Variants in EPB41 observed in about 807,000 individuals in gnomAD.
EPB41 encodes erythrocyte membrane protein band 4.1.
In EPB41, 65 loss-of-function variants were observed where a neutral mutation model predicts 108.0. The ratio of observed to expected loss-of-function variants is 0.60; its 90% confidence interval spans 0.49 to 0.74. The LOEUF is 0.74. Among genes scored for constraint, EPB41 ranks in the 30% least tolerant of loss-of-function variants. The pLI is 0.00. For synonymous variants in EPB41, 336 were observed against 358.9 expected (o/e 0.94, Z 0.72); for missense variants, 875 against 1,037.0 (o/e 0.84, Z 2.15).
chr1:28,991,382 A>G (rs949155020), intron 2 of EPB41, among the ~76,000 whole-genome samples: 3 of 151,912 alleles, frequency 2.0e-5, no homozygotes, highest in Non-Finnish European at 2.9e-5. Context: ...GTAAATAAAA[A>G]CTGCAATATG....
intron 8 of EPB41, among the ~76,000 whole-genome samples, chr1:29,031,041 C>T (rs1463263441): frequency 6.6e-6 from 1 of 152,048 alleles, no homozygotes; most frequent in Admixed American, 6.6e-5. Context: ...GATCTCCTGA[C>T]CTCGTGATCC....
At chr1:28,917,560 T>C (rs2092774344) in intron 1 of EPB41, among the ~76,000 whole-genome samples, 1 of 152,104 alleles carries the variant, frequency 6.6e-6, no homozygotes, top group Non-Finnish European at 1.5e-5. Context: ...ATTACAGGCA[T>C]GAGCCACCGT....
At chr1:29,088,308 A>G (rs1319760653) in intron 16 of EPB41, among the ~76,000 whole-genome samples, 1 of 152,054 alleles carries the variant, frequency 6.6e-6, no homozygotes, top group Non-Finnish European at 1.5e-5. Context: ...CGGCCTCCCA[A>G]AGTGCTAGGA....
At chr1:28,944,289 A>T (rs1337845359) in intron 1 of EPB41, among the ~76,000 whole-genome samples, 1 of 152,194 alleles carries the variant, frequency 6.6e-6, no homozygotes, top group Non-Finnish European at 1.5e-5. Flanking sequence ...AAGAATGAAT[A>T]AGACCTACTA....
chr1:29,108,453 C>T (rs571074558), intron 17 of EPB41, among the ~76,000 whole-genome samples: 2 of 151,778 alleles, frequency 1.3e-5, no homozygotes, highest in Non-Finnish European at 2.9e-5. Flanking sequence ...CGGCCCCTGC[C>T]TCCTATTTCT....
intron 1 of EPB41, among the ~76,000 whole-genome samples, chr1:28,985,021 A>G (rs1218418709): frequency 6.6e-6 from 1 of 151,238 alleles, no homozygotes; most frequent in Admixed American, 6.6e-5. Flanking sequence ...CTGGAGTACA[A>G]TGGCATGATC....
At chr1:28,963,688 A>G in intron 1 of EPB41, among the ~76,000 whole-genome samples, 1 of 152,184 alleles carries the variant, frequency 6.6e-6, no homozygotes, top group East Asian at 1.9e-4. Context: ...AAAAAGAACC[A>G]CTTGATCAGA....
chr1:29,107,918 A>T (rs1456668516), intron 17 of EPB41, among the ~76,000 whole-genome samples: 6 of 148,266 alleles, frequency 4.0e-5, no homozygotes, highest in Admixed American at 3.4e-4. Flanking sequence ...ATTCCCAGCT[A>T]CTCAGGAGGC....
At position 29,061,568 on chromosome 1, in the gene EPB41, C is replaced by CTTTGTTTTTTT. The variant is rs1646539842; in HGVS notation, c.2007+1088_2007+1098dup. Among the ~76,000 whole-genome samples the CTTTGTTTTTTT allele has an allele frequency of 3.3e-5, 3 of 89,892 alleles. No homozygotes were observed. In the East Asian group the frequency reaches 1.6e-3, roughly 47 times the overall value. The allele number at this position is 89,892 out of a possible 152,430, so 59.0% of individuals were successfully genotyped here. A position where few individuals can be genotyped will look rare whatever the true frequency, so the allele number is the denominator to read the frequency against. ...ACAGGCGTGAGCCACTGCGCCTGGC[C>CTTTGTTTTTTT]TTTGTTTTTTTTTTTTTTTTTTTTT... On this transcript the variant is annotated intron_variant, in intron 15 of 20. Coordinates refer to ENST00000343067, the MANE Select transcript of EPB41 (RefSeq NM_001376013.1).
intron 7 of EPB41, among the ~76,000 whole-genome samples, chr1:29,020,178 C>G (rs1230802719): frequency 6.6e-6 from 1 of 151,932 alleles, no homozygotes; most frequent in Non-Finnish European, 1.5e-5. Context: ...AAGCAATTCT[C>G]TGCCTCAGCC....
At chr1:28,985,166 G>C (rs1044271024) in intron 1 of EPB41, among the ~76,000 whole-genome samples, 1 of 151,792 alleles carries the variant, frequency 6.6e-6, no homozygotes, top group African/African-American at 2.4e-5. Context: ...GCTTCACCAT[G>C]CTGACCAGGC....
At chr1:28,905,368 G>A (rs893491465) in intron 1 of EPB41, among the ~76,000 whole-genome samples, 4 of 151,568 alleles carry the variant, frequency 2.6e-5, no homozygotes, top group African/African-American at 7.3e-5. Context: ...CTGGTGGTAC[G>A]TGCCTGTAAT....
chr1:28,889,931 G>C (rs2089926310), intron 1 of EPB41: 1 of 638,462 alleles, frequency 1.6e-6, no homozygotes, highest in African/African-American at 2.0e-5. Context: ...GGGGTTTGCA[G>C]AATGGGCCTG....
At chr1:28,943,385 G>T (rs2094373127) in intron 1 of EPB41, among the ~76,000 whole-genome samples, 1 of 152,206 alleles carries the variant, frequency 6.6e-6, no homozygotes, top group Non-Finnish European at 1.5e-5. Context: ...GGGCGCTGTG[G>T]CTCATGCCTG....
intron 16 of EPB41, chr1:29,069,253 G>T: frequency 8.1e-7 from 1 of 1,231,622 alleles, no homozygotes; most frequent in Non-Finnish European, 1.0e-6. Flanking sequence ...GAGAAGGCTA[G>T]CTCAACTGAG....
intron 1 of EPB41, among the ~76,000 whole-genome samples, chr1:28,892,958 C>T (rs1376985415): frequency 6.6e-6 from 1 of 151,838 alleles, no homozygotes; most frequent in Admixed American, 6.6e-5. Context: ...CACCCACCAC[C>T]ATGCCAGGCT....
At chr1:28,964,752 A>G (rs2095318988) in intron 1 of EPB41, among the ~76,000 whole-genome samples, 2 of 152,180 alleles carry the variant, frequency 1.3e-5, no homozygotes, top group East Asian at 3.8e-4. Context: ...ACCCAGTCTC[A>G]ACCTCCATTG....
chr1:28,992,328 A>G (rs1411084228), intron 2 of EPB41, among the ~76,000 whole-genome samples: 1 of 152,222 alleles, frequency 6.6e-6, no homozygotes, highest in South Asian at 2.1e-4. Flanking sequence ...ATTCTTTTAA[A>G]AGAAAATAAT....
chr1:29,075,631 C>T (rs1573602811), intron 16 of EPB41, among the ~76,000 whole-genome samples: 1 of 152,160 alleles, frequency 6.6e-6, no homozygotes, highest in Non-Finnish European at 1.5e-5. Flanking sequence ...TCAAAATCAA[C>T]AAAGGCAGGT....
Sources: gnomAD v4.1 joint callset for allele counts (sites outside exome capture counted in the v4.1 genomes callset) on GRCh38, gnomAD v4.1.1 for gene constraint, MANE v1.5 for transcripts, NCBI Gene and HGNC (gene_info 2026-07-23, HGNC 2026-07-21) for gene names.